The following TASOR2 variants were observed in gnomAD, a reference collection of about 807,000 sequenced individuals.
TASOR2 encodes the protein protein TASOR 2.
Under a neutral mutation model 199.5 loss-of-function variants are expected in TASOR2, and 84 were observed. The ratio of observed to expected loss-of-function variants is 0.42; its 90% CI spans 0.35 to 0.50. The LOEUF (loss-of-function observed/expected upper bound fraction) is 0.50, where lower values mean the gene tolerates loss of function less well. Ranked by LOEUF, TASOR2 falls within the 20% of genes least tolerant of loss-of-function variation. The pLI is 0.02. For synonymous variants in TASOR2, 1,103 were observed against 1,046.6 expected (o/e 1.05, Z -1.04); for missense variants, 2,796 against 2,835.9 (o/e 0.99, Z 0.32).
chr10:5,722,400 G>A lies in TASOR2; in HGVS notation c.147-1277G>A, dbSNP rs1039127814. On this transcript the variant is annotated intron_variant, in intron 6 of 20. Coordinates refer to ENST00000328090, the Ensembl canonical transcript of TASOR2. The surrounding 1 kb of genome is among the most constrained non-coding windows in gnomAD (Gnocchi z 4.0). ...GAACCTGGGAGGTGGAGGTTGCATT[G>A]AGCTGAGATCGCGCCACTACACTCC... Among the ~76,000 whole-genome samples, 2 of 152,148 alleles carry A rather than the reference G, an allele frequency of 1.3e-5. No individual in the cohort carries two copies. Among genetic ancestry groups the A allele is most frequent in the African/African-American group, 2.4e-5 (1 of 41,438 alleles).
intron 18 of TASOR2, 67 bp from the exon 20 acceptor site, chr10:5,761,223 G>C: frequency 7.2e-7 from 1 of 1,394,090 alleles, no homozygotes; most frequent in Non-Finnish European, 9.8e-7. Context: ...TGGTTAAACT[G>C]AAGGCAAGAA....
At position 5,697,566 on chromosome 10, in the gene TASOR2, C is replaced by G. The variant is rs147099155; in HGVS notation, c.-288+12391C>G. ...AGATCTTAGTGCTAATAAAGTACTC[C>G]TAGAAATGAGTGCATAACCTTGGAA... On this transcript the variant is annotated intron_variant, in intron 1 of 20. Coordinates refer to ENST00000328090, the Ensembl canonical transcript of TASOR2. 3.3e-5 allele frequency among the ~76,000 whole-genome samples: 5 copies of G among 152,098 alleles called. No homozygotes were observed. The East Asian group carries it at 9.6e-4, about 29-fold the overall frequency.
chr10:5,730,401 T>C lies in TASOR2; in HGVS notation c.488-86T>C. 9.5e-7 allele frequency: 1 copy of C among 1,048,292 alleles called. No individual in the cohort carries two copies. The highest frequency in any genetic ancestry group is 1.4e-6 in the Non-Finnish European group (1 of 731,786). 64.9% of individuals were successfully genotyped at this position (1,048,292 alleles called of 1,614,324 possible). On this transcript the variant is annotated intron_variant, in intron 10 of 20. Coordinates refer to ENST00000328090, the Ensembl canonical transcript of TASOR2. The surrounding 1 kb of genome is among the most constrained non-coding windows in gnomAD (Gnocchi z 4.1). ...TATAACATATTTAACCATCACATAATTTTGAAATCTAAAGCTTTTTTTTCC... is the reference window on the plus strand; with the variant it reads ...TATAACATATTTAACCATCACATAACTTTGAAATCTAAAGCTTTTTTTTCC...
In TASOR2 at chr10:5,740,676, G is replaced by A. The variant is rs971114121; in HGVS notation, c.2327+179G>A. 6.6e-6 allele frequency among the ~76,000 whole-genome samples: 1 copy of A among 152,174 alleles called. No individual in the cohort carries two copies. The highest frequency in any genetic ancestry group is 2.4e-5 in the African/African-American group (1 of 41,444). The stretch of plus-strand genomic sequence containing the variant: ...TCCTGGCAATTAAGAGTAACAGGCT[G>A]GTTTTCCCCCTGTGCTCATGTGGAG... On this transcript the variant is annotated intron_variant, in intron 13 of 20. Coordinates refer to ENST00000328090, the Ensembl canonical transcript of TASOR2. The surrounding 1 kb of genome is among the most constrained non-coding windows in gnomAD (Gnocchi z 5.3).
At position 5,730,660 on chromosome 10, in the gene TASOR2, T is replaced by G; in HGVS notation, c.661T>G (p.Ser221Ala). The G allele has an allele frequency of 1.2e-6, 2 of 1,614,198 alleles. No individual in the cohort carries two copies. The highest frequency in any genetic ancestry group is 1.7e-6 in the Non-Finnish European group (2 of 1,180,032). ...ATTGTACAAGGCGGACAGAAGCCCT[T>G]CATTGAGTGTTGCTCCTCAGGATAG... is the stretch of plus-strand genomic sequence containing the variant. The change falls in exon 11 of 21, where the codon TCA becomes GCA. Residue 221 changes from serine (S) to alanine (A), a missense_variant. Ser to Ala is a moderately conservative substitution (Grantham distance 99, BLOSUM62 1). Transcript: ENST00000328090. This position sits in a 1 kb window ranked among gnomAD's most constrained non-coding sequence, Gnocchi z 4.1.
At position 5,730,808 on chromosome 10, in the gene TASOR2, A is replaced by C; in HGVS notation, c.809A>C (p.Tyr270Ser). 6.2e-7 allele frequency: 1 copy of C among 1,614,190 alleles called. No homozygotes were observed. The highest frequency in any genetic ancestry group is 8.5e-7 in the Non-Finnish European group (1 of 1,180,032). ...TCTTATTTTTCAGACCCTAGTGCTT[A>C]CATTTTGGAAGTGTCTACTGCTTTG... Residue 270 changes from tyrosine (Y) to serine (S), a missense_variant, in exon 11 of 21, where the codon TAC becomes TCC. By Grantham distance (144) the Tyr-to-Ser change is moderately radical. Around this residue, in one of 3 missense-constraint regions of TASOR2, gnomAD observed 847 missense variants for 887.4 expected, o/e 0.95. Transcript: ENST00000328090. This position sits in a 1 kb window ranked among gnomAD's most constrained non-coding sequence, Gnocchi z 4.1.
At chr10:5,745,779 GAAA>G (rs796333348) in intron 14 of TASOR2, among the ~76,000 whole-genome samples, 1 of 144,404 alleles carries the variant, frequency 6.9e-6, no homozygotes, top group South Asian at 2.2e-4. Flanking sequence ...ACGCTGTCTT[GAAA>G]AAAAAAAAAT....
intron 20 of TASOR2, 149 bp downstream of exon 21, chr10:5,762,795 C>CTA: frequency 1.5e-6 from 1 of 645,880 alleles, no homozygotes; most frequent in Non-Finnish European, 2.7e-6. Context: ...GGTGGAATTG[C>CTA]TATTTGGCAT....
In TASOR2 at chr10:5,730,694, A is replaced by G; in HGVS notation, c.695A>G (p.Asp232Gly). ...GTTGCTCCTCAGGATAGAATGAAAG[A>G]CCCTACATTCTTGGGGAAACTGCCC... Residue 232 changes from aspartate to glycine, a missense_variant, in exon 11 of 21, where the codon GAC becomes GGC. Coordinates refer to ENST00000328090, the Ensembl canonical transcript of TASOR2. This position sits in a 1 kb window ranked among gnomAD's most constrained non-coding sequence, Gnocchi z 4.1. 6.2e-7 allele frequency: 1 copy of G among 1,614,124 alleles called. No individual in the cohort carries two copies. Among genetic ancestry groups the G allele is most frequent in the Non-Finnish European group, 8.5e-7 (1 of 1,180,016 alleles).
At chr10:5,747,214 C>T in exon 15 of TASOR2, 1 of 1,614,106 alleles carries the variant, frequency 6.2e-7, no homozygotes, top group Non-Finnish European at 8.5e-7. Flanking sequence ...ACAAACAAGC[C>T]TGTCTGTGAG....
chr10:5,711,415 T>C (rs568964203), intron 1 of TASOR2, among the ~76,000 whole-genome samples: 1 of 152,270 alleles, frequency 6.6e-6, no homozygotes, highest in Admixed American at 6.5e-5. Flanking sequence ...ATAACATTTA[T>C]ACTATATGAC....
chr10:5,742,391 G>A lies in TASOR2; in HGVS notation c.2622G>A (p.Leu874=), dbSNP rs769287428. Residue 874 remains leucine, a synonymous_variant, in exon 14 of 21, where the codon TTG becomes TTA. Transcript: ENST00000328090. The surrounding 1 kb of genome is among the most constrained non-coding windows in gnomAD (Gnocchi z 4.2). The stretch of plus-strand genomic sequence containing the variant: ...TATCCTTCCGTGATCCTAACTGCTT[G>A]CTTCCTTTCATTAAAACACCACTTA... The A allele has an allele frequency of 6.2e-7, 1 of 1,614,058 alleles. No individual in the cohort carries two copies. The highest frequency in any genetic ancestry group is 8.5e-7 in the Non-Finnish European group (1 of 1,180,004).
At chr10:5,727,272 C>A in intron 10 of TASOR2, 149 bp downstream of exon 11, 1 of 769,898 alleles carries the variant, frequency 1.3e-6, no homozygotes, top group Non-Finnish European at 2.1e-6. Flanking sequence ...CCCTTCTTGA[C>A]CTCCCTTGTA....
At chr10:5,747,634 C>A in exon 15 of TASOR2, 4 of 1,614,172 alleles carry the variant, frequency 2.5e-6, no homozygotes, top group Non-Finnish European at 3.4e-6. Flanking sequence ...AGCGTCTAGT[C>A]CTGAACCTCC....
intron 2 of TASOR2, 99 bp from the exon 3 acceptor site, chr10:5,714,036 A>C (rs1832272576): frequency 1.8e-6 from 1 of 552,362 alleles, no homozygotes; most frequent in Non-Finnish European, 2.6e-6. Flanking sequence ...CCTTGTCTCT[A>C]TTGTATAATA....
In TASOR2 at chr10:5,742,735, A is replaced by G. The variant is rs189255805; in HGVS notation, c.2757+209A>G. 2.0e-5 allele frequency among the ~76,000 whole-genome samples: 3 copies of G among 152,300 alleles called. No homozygotes were observed. The highest frequency in any genetic ancestry group is 7.2e-5 in the African/African-American group (3 of 41,562). On this transcript the variant is annotated intron_variant, in intron 14 of 20. Transcript: ENST00000328090. The surrounding 1 kb of genome is among the most constrained non-coding windows in gnomAD (Gnocchi z 4.2). ...GAGCTTACCTGCCATCCCGATTGAA[A>G]AAAACCAGAGTAGAAAAATGTCACA...
Position 5,747,797 on chromosome 10 carries a change from C to A in TASOR2, c.4376C>A (p.Thr1459Asn), listed in dbSNP as rs764979252. The A allele has an allele frequency of 6.8e-6, 11 of 1,613,870 alleles. No homozygotes were observed. The East Asian group carries it at 1.6e-4, about 23-fold the overall frequency. Residue 1459 changes from threonine to asparagine, a missense_variant, in exon 15 of 21, where the codon ACC becomes AAC. This residue lies in a region of TASOR2 where 1,941 missense variants were observed against 1,924.9 expected (regional missense o/e 1.01). Coordinates refer to ENST00000328090, the Ensembl canonical transcript of TASOR2. ...AAAGAAAATGTTTTTGTTGGTCCTA[C>A]CCATCCAGTGGGGCAAGATAACTTT...
rs371663458 is a variant in TASOR2, at chr10:5,749,167, C to G, written c.5746C>G (p.Arg1916Gly). 1 of 1,613,968 alleles carries G rather than the reference C, an allele frequency of 6.2e-7. No individual in the cohort carries two copies. Among genetic ancestry groups the G allele is most frequent in the Admixed American group, 1.7e-5 (1 of 60,000 alleles). ...GTGTGTGCCGCCTTACGTCCAAATC[C>G]GAGATCTCCACGGGATCCTCAGGAC... Residue 1916 changes from arginine (R) to glycine (G), a missense_variant, in exon 15 of 21, where the codon CGA becomes GGA. Physicochemically the swap from Arg to Gly is moderately radical, Grantham distance 125. Coordinates refer to ENST00000328090, the Ensembl canonical transcript of TASOR2.
chr10:5,728,381 T>G (rs1834338552), intron 10 of TASOR2, among the ~76,000 whole-genome samples: 2 of 152,212 alleles, frequency 1.3e-5, no homozygotes, highest in African/African-American at 4.8e-5. Flanking sequence ...CTCACGCCTG[T>G]AATCCCAGCA....
Sources: allele counts gnomAD v4.1 joint callset (sites outside exome capture counted in the v4.1 genomes callset), GRCh38; gene constraint gnomAD v4.1.1; regional missense constraint gnomAD v4.1.1; non-coding constraint Gnocchi (gnomAD v3.1); transcripts MANE v1.5; gene names NCBI Gene and HGNC (gene_info 2026-07-23, HGNC 2026-07-21).